ADCY3: variants seen among roughly 807,000 people sequenced by gnomAD.
ADCY3 encodes adenylate cyclase type 3.
Under a neutral mutation model 119.4 loss-of-function variants are expected in ADCY3, and 70 were observed. The ratio of observed to expected loss-of-function variants is 0.59; its 90% CI spans 0.48 to 0.72. The LOEUF (loss-of-function observed/expected upper bound fraction) is 0.72. Ranked by LOEUF, ADCY3 falls within the 30% of genes least tolerant of loss-of-function variation. ADCY3 has a pLI of 0.00. For synonymous variants in ADCY3, 672 were observed against 621.4 expected, an observed-to-expected ratio of 1.08 and a Z score of -1.21; for missense variants, 1,238 against 1,541.6, an observed-to-expected ratio of 0.80 and a Z score of 3.30.
intron 15 of ADCY3, chr2:24,826,355 T>C (rs912620823): frequency 1.9e-5 from 10 of 529,636 alleles, no homozygotes; most frequent in Non-Finnish European, 3.4e-5. Flanking sequence ...TGGCTGCACC[T>C]GGTATTCACA....
chr2:24,904,352 A>G (rs902070306), intron 2 of ADCY3, among the ~76,000 whole-genome samples: 3 of 152,044 alleles, frequency 2.0e-5, no homozygotes, highest in Non-Finnish European at 4.4e-5. Flanking sequence ...CAACATGGCG[A>G]AACCCCATCT....
intron 2 of ADCY3, among the ~76,000 whole-genome samples, chr2:24,907,812 T>C (rs1351425298): frequency 6.6e-6 from 1 of 151,438 alleles, no homozygotes; most frequent in Non-Finnish European, 1.5e-5. Flanking sequence ...CTGGCCAACA[T>C]GGCGAAACCC....
intron 2 of ADCY3, among the ~76,000 whole-genome samples, chr2:24,914,982 G>A (rs928154633): frequency 6.6e-6 from 1 of 152,184 alleles, no homozygotes; most frequent in Non-Finnish European, 1.5e-5. Context: ...AGGAGCCCAG[G>A]ACAGGTTGTC....
chr2:24,895,241 C>A (rs746571892), intron 2 of ADCY3, among the ~76,000 whole-genome samples: 31 of 152,034 alleles, frequency 2.0e-4, no homozygotes, highest in Non-Finnish European at 2.6e-4. Flanking sequence ...CGGGCACACA[C>A]CACCACGCCC....
At position 24,878,223 on chromosome 2, in the gene ADCY3, G is replaced by A. The variant is rs2033655; in HGVS notation, c.676-5504C>T. Reference sequence around the variant, plus strand: ...AGTGTCATCTAACCCATGACAGCCTGATAAAGTGTTTCTAATATCCCGGCT... The same window carrying A: ...AGTGTCATCTAACCCATGACAGCCTAATAAAGTGTTTCTAATATCCCGGCT... On this transcript the variant is annotated intron_variant, in intron 2 of 21. Transcript: ENST00000679454. The surrounding 1 kb of genome is among the most constrained non-coding windows in gnomAD (Gnocchi z 4.0). Among the ~76,000 whole-genome samples the A allele has an allele frequency of 0.5, 75,258 of 151,992 alleles. 20,332 individuals carry two copies. The highest frequency in any genetic ancestry group is 0.72 in the African/African-American group (30,025 of 41,432).
At chr2:24,858,666 A>G (rs1385410209) in intron 3 of ADCY3, among the ~76,000 whole-genome samples, 1 of 152,256 alleles carries the variant, frequency 6.6e-6, no homozygotes, top group Non-Finnish European at 1.5e-5. Flanking sequence ...CAATTCTACA[A>G]TTCTACAACT....
chr2:24,844,967 C>T (rs529339206), intron 3 of ADCY3, among the ~76,000 whole-genome samples: 2 of 152,302 alleles, frequency 1.3e-5, no homozygotes, highest in African/African-American at 4.8e-5. Context: ...ATAAATGTCA[C>T]GAGATCTGAT....
chr2:24,838,285 T>G (rs1468502158), intron 8 of ADCY3, among the ~76,000 whole-genome samples, 160 bp downstream of exon 8: 1 of 151,602 alleles, frequency 6.6e-6, no homozygotes, highest in Non-Finnish European at 1.5e-5. Flanking sequence ...AGAAACCAGC[T>G]CTCCCTTGGG....
intron 2 of ADCY3, among the ~76,000 whole-genome samples, chr2:24,904,938 G>C (rs1216274931): frequency 6.6e-6 from 1 of 152,052 alleles, no homozygotes; most frequent in Non-Finnish European, 1.5e-5. Context: ...AATGCGACTG[G>C]TCAGTTTCTT....
intron 2 of ADCY3, among the ~76,000 whole-genome samples, chr2:24,905,730 G>A (rs1679380052): frequency 6.6e-6 from 1 of 152,172 alleles, no homozygotes; most frequent in Non-Finnish European, 1.5e-5. Context: ...CACAATGACA[G>A]TGACAGCCAG....
rs932112360 is a variant in ADCY3 at position 24,834,326 on chromosome 2, G to A, written c.1967+159C>T. Among the ~76,000 whole-genome samples, 3 of 152,330 alleles carry A rather than the reference G, an allele frequency of 2.0e-5. 1 individual carries two copies. The highest frequency in any genetic ancestry group is 2.0e-4 in the Admixed American group (3 of 15,308). On this transcript the variant is annotated intron_variant, in intron 11 of 21. Transcript: ENST00000679454. This position sits in a 1 kb window ranked among gnomAD's most constrained non-coding sequence, Gnocchi z 4.2. ...GGAAGGATGCCCAGGGTGCCGTCTA[G>A]CACTCCTGGGGCCTGTGGGGGCCGT...
In ADCY3 at chr2:24,838,608, G is replaced by A. The variant is rs1670598880; in HGVS notation, c.1370C>T (p.Ser457Phe). ...TTTCAGGCAGTCCATGGTGCTCTGG[G>A]AGATGTGCACGCGCCTGGATTGCAG... ...AGGIPGRVHI[S>F]QSTMDCLKGE... The change falls in exon 8 of 22, where the codon TCC becomes TTC. Residue 457 changes from serine to phenylalanine, a missense_variant. Around this residue, in one of 7 missense-constraint regions of ADCY3, gnomAD observed 283 missense variants for 437.2 expected, o/e 0.65. Transcript: ENST00000679454. 3.1e-6 allele frequency: 5 copies of A among 1,614,026 alleles called. No homozygotes were observed. Among genetic ancestry groups the A allele is most frequent in the Non-Finnish European group, 3.4e-6 (4 of 1,180,038 alleles).
At chr2:24,890,774 C>G (rs1677561724) in intron 2 of ADCY3, among the ~76,000 whole-genome samples, 2 of 152,152 alleles carry the variant, frequency 1.3e-5, no homozygotes, top group Admixed American at 6.6e-5. Flanking sequence ...TGTTTTCCCA[C>G]TAATTTTTTT....
intron 2 of ADCY3, among the ~76,000 whole-genome samples, chr2:24,887,390 T>C (rs1254830925): frequency 2.0e-5 from 3 of 152,128 alleles, no homozygotes; most frequent in Non-Finnish European, 1.5e-5. Context: ...TTACTCTCTC[T>C]AGCCTTCCAC....
chr2:24,824,428 A>G lies in ADCY3; in HGVS notation c.2686T>C (p.Leu896=), dbSNP rs1373842321. ...RWNEALVTNM[L]PEHVARHFLG... ...AAATGGCGTGCCACGTGCTCAGGCA[A>G]CATGTTGGTGACCAAGGCCTCGTTC... Residue 896 remains leucine, a synonymous_variant, in exon 17 of 22, where the codon TTG becomes CTG. Coordinates refer to ENST00000679454, the MANE Select transcript of ADCY3 (RefSeq NM_004036.5). The G allele has an allele frequency of 1.9e-6, 3 of 1,614,208 alleles. No homozygotes were observed. The highest frequency in any genetic ancestry group is 2.5e-6 in the Non-Finnish European group (3 of 1,180,026).
chr2:24,890,722 T>A (rs1677557240), intron 2 of ADCY3, among the ~76,000 whole-genome samples: 1 of 152,198 alleles, frequency 6.6e-6, no homozygotes, highest in South Asian at 2.1e-4. Context: ...TCTATTTTAC[T>A]GACCTTTTCA....
At position 24,899,005 on chromosome 2, in the gene ADCY3, C is replaced by T. The variant is rs1394936384; in HGVS notation, c.675+19308G>A. 6.6e-6 allele frequency among the ~76,000 whole-genome samples: 1 copy of T among 152,170 alleles called. No individual in the cohort carries two copies. Among genetic ancestry groups the T allele is most frequent in the Non-Finnish European group, 1.5e-5 (1 of 68,026 alleles). On this transcript the variant is annotated intron_variant, in intron 2 of 21. Coordinates refer to ENST00000679454, the MANE Select transcript of ADCY3 (RefSeq NM_004036.5). This position sits in a 1 kb window ranked among gnomAD's most constrained non-coding sequence, Gnocchi z 4.5. The stretch of plus-strand genomic sequence containing the variant: ...CCACGCACTCAATAGCCTCCAAACA[C>T]TCCACTGTCCCCTCATGCCCCTTGT...
Position 24,872,301 on chromosome 2 carries a change from C to T in ADCY3, c.825+269G>A, listed in dbSNP as rs1221455462. 2.6e-5 allele frequency among the ~76,000 whole-genome samples: 4 copies of T among 152,138 alleles called. No individual in the cohort carries two copies. Among genetic ancestry groups the T allele is most frequent in the South Asian group, 2.1e-4 (1 of 4,822 alleles). Reference sequence around the variant, plus strand: ...CTTGAAAGGGAAAAGTTTTACATTACGAAAACAAAACAAAGAGCAGGAAGG... The same window carrying T: ...CTTGAAAGGGAAAAGTTTTACATTATGAAAACAAAACAAAGAGCAGGAAGG... On this transcript the variant is annotated intron_variant, in intron 3 of 21. Transcript: ENST00000679454. The surrounding 1 kb of genome is among the most constrained non-coding windows in gnomAD (Gnocchi z 4.4).
rs537297856 is a variant in ADCY3, at chr2:24,828,610, G to A, written c.2173-449C>T. 2.3e-4 allele frequency among the ~76,000 whole-genome samples: 35 copies of A among 152,144 alleles called. 1 individual carries two copies. Among genetic ancestry groups the A allele is most frequent in the Admixed American group, 2.0e-3 (31 of 15,274 alleles). The stretch of plus-strand genomic sequence containing the variant: ...AGTCTCTGCCCAAATCCTTCCATTG[G>A]GGGGATGTTCACTGCCTTCTGGATT... On this transcript the variant is annotated intron_variant, in intron 13 of 21. Transcript: ENST00000679454.
Sources: gnomAD v4.1 joint callset for allele counts (sites outside exome capture counted in the v4.1 genomes callset) on GRCh38, gnomAD v4.1.1 for gene constraint, gnomAD v4.1.1 regional missense constraint, Gnocchi (gnomAD v3.1) non-coding constraint, MANE v1.5 for transcripts, NCBI Gene and HGNC (gene_info 2026-07-23, HGNC 2026-07-21) for gene names.